The following CRNKL1 variants were observed in gnomAD, a reference collection of about 807,000 sequenced individuals.
The protein encoded by CRNKL1 is crooked neck pre-mRNA splicing factor 1, also known as crooked neck-like protein 1.
A neutral mutation model predicts 103.7 loss-of-function variants in CRNKL1; 35 were observed. The observed-to-expected ratio is 0.34, with a 90% CI of 0.26 to 0.45. CRNKL1 has a LOEUF of 0.45. Among genes scored for constraint, CRNKL1 ranks in the 20% least tolerant of loss-of-function variants. The pLI, the probability that CRNKL1 is intolerant of heterozygous loss-of-function variation, is 1.00. For synonymous variants in CRNKL1, 267 were observed against 282.6 expected (o/e 0.94, Z 0.55); for missense variants, 645 against 836.0 (o/e 0.77, Z 2.82).
At chr20:20,051,331 T>G (rs1261803547) in intron 1 of CRNKL1, among the ~76,000 whole-genome samples, 1 of 152,260 alleles carries the variant, frequency 6.6e-6, no homozygotes, top group African/African-American at 2.4e-5. Flanking sequence ...TCAAATAAAA[T>G]ATATATTATC....
chr20:20,044,685 A>T (rs997454399), intron 6 of CRNKL1, among the ~76,000 whole-genome samples: 1 of 152,158 alleles, frequency 6.6e-6, no homozygotes, highest in African/African-American at 2.4e-5. Context: ...AATGGCACGA[A>T]CATAGCTCAT....
upstream of CRNKL1, chr20:20,052,859 A>C (rs1201638929): frequency 2.5e-6 from 2 of 794,900 alleles, no homozygotes. Context: ...CGAGCATTGC[A>C]TTCTAGTAGT....
chr20:20,052,090 C>T (rs2043763097), intron 1 of CRNKL1, among the ~76,000 whole-genome samples: 1 of 152,178 alleles, frequency 6.6e-6, no homozygotes, highest in Non-Finnish European at 1.5e-5. Context: ...GCAAAACCAC[C>T]CCAGAACGAA....
rs575164681 is a variant in CRNKL1, at chr20:20,045,660, G to A, written c.623-174C>T. Among the ~76,000 whole-genome samples the A allele has an allele frequency of 2.8e-4, 42 of 152,298 alleles. 1 individual carries two copies. The highest frequency in any genetic ancestry group is 9.9e-4 in the African/African-American group (41 of 41,568). Reference sequence around the variant, plus strand: ...TTAAACAGTGGCTTCTGTGAGAGCAGGGCCACGCCTGTTCATCTCTATTTT... The same window carrying A: ...TTAAACAGTGGCTTCTGTGAGAGCAAGGCCACGCCTGTTCATCTCTATTTT... On this transcript the variant is annotated intron_variant, in intron 5 of 13. Transcript: ENST00000536226.
At chr20:20,049,779 TC>T (rs1389550338) in intron 2 of CRNKL1, among the ~76,000 whole-genome samples, 1 of 152,032 alleles carries the variant, frequency 6.6e-6, no homozygotes, top group East Asian at 1.9e-4. Context: ...CTTCTCATGG[TC>T]CTTTTGCAGA....
At chr20:20,036,383 A>G (rs2043419125) in intron 13 of CRNKL1, 21 bp from the exon 14 acceptor site, 4 of 1,612,362 alleles carry the variant, frequency 2.5e-6, no homozygotes, top group African/African-American at 1.3e-5. Flanking sequence ...AAAAAATGAA[A>G]AGATAAGCAA....
At chr20:20,053,679 A>ACAT (rs140995867), upstream of CRNKL1, among the ~76,000 whole-genome samples, 1,907 of 152,318 alleles carry the variant, frequency 0.013, 37 homozygotes, top group East Asian at 0.092. Flanking sequence ...GTTATAACCA[A>ACAT]CATCAATGTA....
At position 20,038,076 on chromosome 20, in the gene CRNKL1, A is replaced by T. The variant is rs377019403; in HGVS notation, c.1647+273T>A. ...CACTCCAGCCTAGAGACACAGCAAG[A>T]CTCCGTCTCAAAAAAAAAAAAAATA... On this transcript the variant is annotated intron_variant, in intron 12 of 13. Coordinates refer to ENST00000536226, the MANE Select transcript of CRNKL1 (RefSeq NM_001278628.2). Among the ~76,000 whole-genome samples, 137 of 149,278 alleles carry T rather than the reference A, an allele frequency of 9.2e-4. No homozygotes were observed. The South Asian group carries it at 0.011, about 12-fold the overall frequency.
chr20:20,041,708 T>C (rs2043517443), intron 8 of CRNKL1, 83 bp from the exon 9 acceptor site: 6 of 995,980 alleles, frequency 6.0e-6, no homozygotes, highest in Admixed American at 3.7e-5. Flanking sequence ...TTACTGATAT[T>C]GGTAAAAATG....
chr20:20,040,199 C>A (rs1265435372), intron 10 of CRNKL1, among the ~76,000 whole-genome samples: 2 of 151,984 alleles, frequency 1.3e-5, no homozygotes, highest in Non-Finnish European at 2.9e-5. Context: ...GTAATCCCAG[C>A]ATTCTGAGAG....
chr20:20,048,216 A>C, intron 4 of CRNKL1, 127 bp downstream of exon 4: 1 of 1,121,882 alleles, frequency 8.9e-7, no homozygotes, highest in Non-Finnish European at 1.3e-6. Context: ...ATGGGACATA[A>C]CAGCATTTAT....
In CRNKL1 at chr20:20,036,029, C is replaced by CT. The variant is rs1484632563; in HGVS notation, c.*165dup. ...TAAAAAAGTCCTTTACTTGCAATCC[C>CT]TACCCCTAGCTAACCCAAGAGCATT... On this transcript the variant is annotated 3_prime_UTR_variant, in exon 14 of 14. Coordinates refer to ENST00000536226, the MANE Select transcript of CRNKL1 (RefSeq NM_001278628.2). The CT allele has an allele frequency of 1.0e-4, 70 of 702,992 alleles. 1 individual carries two copies. The highest frequency in any genetic ancestry group is 1.4e-4 in the Non-Finnish European group (65 of 449,384). 43.5% of individuals were successfully genotyped at this position (702,992 alleles called of 1,614,324 possible). A position where few individuals can be genotyped will look rare whatever the true frequency, so the allele number is the denominator to read the frequency against.
chr20:20,039,902 C>A, intron 10 of CRNKL1, 54 bp from the exon 11 acceptor site: 1 of 1,582,032 alleles, frequency 6.3e-7, no homozygotes, highest in Non-Finnish European at 8.6e-7. Flanking sequence ...TTAATCTGTG[C>A]AGTTATTGCA....
In CRNKL1 at chr20:20,034,440, C is replaced by T. The variant is rs2043384995; in HGVS notation, c.*1755G>A. On this transcript the variant is annotated 3_prime_UTR_variant, in exon 14 of 14. Transcript: ENST00000536226. The stretch of plus-strand genomic sequence containing the variant: ...GGAGAGAAATGAATCTTTATGTTCT[C>T]CTGTTAGAGAATAGCTTTTTTCCTT... 1.3e-5 allele frequency: 2 copies of T among 152,148 alleles called. No homozygotes were observed. The highest frequency in any genetic ancestry group is 4.1e-4 in the South Asian group (2 of 4,824). The allele number at this position is 152,148 out of a possible 1,614,324, so 9.4% of individuals were successfully genotyped here. A position where few individuals can be genotyped will look rare whatever the true frequency, so the allele number is the denominator to read the frequency against.
upstream of CRNKL1, among the ~76,000 whole-genome samples, chr20:20,053,699 A>T (rs898577433): frequency 7.2e-5 from 11 of 152,322 alleles, no homozygotes; most frequent in Non-Finnish European, 1.6e-4. Context: ...ATTTGCCATA[A>T]CTCTTTATTA....
rs1312900718 is a variant in CRNKL1 at position 20,037,370 on chromosome 20, T to G, written c.1849A>C (p.Met617Leu). 1 of 1,614,188 alleles carries G rather than the reference T, an allele frequency of 6.2e-7. No individual in the cohort carries two copies. The highest frequency in any genetic ancestry group is 1.3e-5 in the African/African-American group (1 of 75,072). Residue 617 changes from methionine to leucine, a missense_variant, in exon 13 of 14, where the codon ATG (methionine) becomes CTG (leucine). Physicochemically the swap from Met to Leu is conservative, Grantham distance 15. Coordinates refer to ENST00000536226, the MANE Select transcript of CRNKL1 (RefSeq NM_001278628.2). The part of the protein sequence containing the change: ...ASDKERVDKL[M>L]PEKVKKRRKV... ...CTTCTCTTCTTGACTTTCTCTGGCA[T>G]GAGTTTGTCTACTCTCTCCTTATCT...
intron 8 of CRNKL1, among the ~76,000 whole-genome samples, chr20:20,042,118 A>C (rs2043523142): frequency 6.6e-6 from 1 of 152,254 alleles, no homozygotes; most frequent in Non-Finnish European, 1.5e-5. Context: ...ACCAAAGTTA[A>C]AAAAGCCCCT....
At chr20:20,053,635 A>G (rs2043958448), upstream of CRNKL1, among the ~76,000 whole-genome samples, 1 of 152,230 alleles carries the variant, frequency 6.6e-6, no homozygotes, top group African/African-American at 2.4e-5. Flanking sequence ...TACTTTCAAC[A>G]AAAGATTTAT....
intron 2 of CRNKL1, 140 bp from the exon 3 acceptor site, chr20:20,049,571 G>C: frequency 1.7e-6 from 1 of 581,408 alleles, no homozygotes; most frequent in Admixed American, 3.4e-5. Flanking sequence ...AATCCTTGAG[G>C]AATAAGAAAC....
Sources: gnomAD v4.1 joint callset for allele counts (sites outside exome capture counted in the v4.1 genomes callset) on GRCh38, gnomAD v4.1.1 for gene constraint, MANE v1.5 for transcripts, NCBI Gene and HGNC (gene_info 2026-07-23, HGNC 2026-07-21) for gene names.